Variants in ADAMTS19 observed in about 807,000 individuals in gnomAD.
ADAMTS19 encodes the protein A disintegrin and metalloproteinase with thrombospondin motifs 19.
ADAMTS19 carries 93 observed loss-of-function variants against 153.3 expected under a neutral mutation model. The ratio of observed to expected loss-of-function variants is 0.61; its 90% CI spans 0.51 to 0.72. ADAMTS19 has a LOEUF of 0.72. Among genes scored for constraint, ADAMTS19 ranks in the 30% least tolerant of loss-of-function variants. The probability of loss-of-function intolerance (pLI) is 0.00; values close to 1 mark genes in which losing one functional copy is unlikely to be tolerated. For synonymous variants in ADAMTS19, 600 were observed against 556.6 expected (o/e 1.08, Z -1.10); for missense variants, 1,482 against 1,552.1 (o/e 0.95, Z 0.76).
At chr5:129,645,362 T>C (rs913898604) in intron 11 of ADAMTS19, among the ~76,000 whole-genome samples, 1 of 152,216 alleles carries the variant, frequency 6.6e-6, no homozygotes, top group Non-Finnish European at 1.5e-5. Context: ...TTATATAACA[T>C]ATTGTATAAT....
At chr5:129,656,589 C>A (rs1753557113) in intron 14 of ADAMTS19, among the ~76,000 whole-genome samples, 2 of 152,200 alleles carry the variant, frequency 1.3e-5, no homozygotes, top group African/African-American at 4.8e-5. Context: ...CAGGTACTTG[C>A]TACCAGTCAC....
At chr5:129,708,590 C>CA (rs1174701520) in intron 21 of ADAMTS19, among the ~76,000 whole-genome samples, 16,277 of 62,094 alleles carry the variant, frequency 0.26, 2,233 homozygotes, top group East Asian at 0.39. Flanking sequence ...AGCAGAGAAG[C>CA]AAAAAAAAAA....
chr5:129,608,463 G>A (rs1230310588), intron 8 of ADAMTS19, among the ~76,000 whole-genome samples: 1 of 151,916 alleles, frequency 6.6e-6, no homozygotes, highest in Non-Finnish European at 1.5e-5. Flanking sequence ...TATGCCCCAG[G>A]AGGCATACAT....
chr5:129,672,242 T>C (rs961976830), intron 16 of ADAMTS19, among the ~76,000 whole-genome samples: 1 of 152,012 alleles, frequency 6.6e-6, no homozygotes, highest in East Asian at 1.9e-4. Flanking sequence ...CCTCATCTAA[T>C]CCTAATTACC....
chr5:129,720,174 A>ATATATATATATATAT (rs1463139553), intron 21 of ADAMTS19, among the ~76,000 whole-genome samples: 3 of 113,348 alleles, frequency 2.6e-5, no homozygotes, highest in African/African-American at 9.5e-5. Context: ...ATATATATTT[A>ATATATATATATATAT]TTTTTTTTTT....
intron 18 of ADAMTS19, among the ~76,000 whole-genome samples, chr5:129,691,434 T>A (rs2127142779): frequency 6.6e-6 from 1 of 152,294 alleles, no homozygotes; most frequent in African/African-American, 2.4e-5. Flanking sequence ...TGTCCCTATG[T>A]GCCACAGTAT....
chr5:129,487,909 G>A (rs982587103), intron 2 of ADAMTS19, among the ~76,000 whole-genome samples: 2 of 152,038 alleles, frequency 1.3e-5, no homozygotes, highest in African/African-American at 4.8e-5. Flanking sequence ...TCTTTGGGTA[G>A]CTGTTGAATT....
At chr5:129,528,431 C>A in intron 5 of ADAMTS19, 89 bp from the exon 6 acceptor site, 2 of 1,098,596 alleles carry the variant, frequency 1.8e-6, no homozygotes, top group Non-Finnish European at 2.5e-6. Context: ...TTTAGTAATT[C>A]AAGAGTGCCT....
rs528513172 is a variant in ADAMTS19, at chr5:129,687,051, A to G, written c.2818+2778A>G. 1.9e-3 allele frequency among the ~76,000 whole-genome samples: 282 copies of G among 152,256 alleles called. 1 individual carries two copies. Among genetic ancestry groups the G allele is most frequent in the Non-Finnish European group, 3.0e-3 (205 of 68,014 alleles). Reference sequence around the variant, plus strand: ...CATCCTACACTGATGCCAGGGGCTCATCTTTCTTAAGGGGCTGTACTTCAC... The same window carrying G: ...CATCCTACACTGATGCCAGGGGCTCGTCTTTCTTAAGGGGCTGTACTTCAC... On this transcript the variant is annotated intron_variant, in intron 18 of 22. Coordinates refer to ENST00000274487, the MANE Select transcript of ADAMTS19 (RefSeq NM_133638.6).
chr5:129,594,836 C>T (rs889062387), intron 7 of ADAMTS19, among the ~76,000 whole-genome samples: 1 of 151,976 alleles, frequency 6.6e-6, no homozygotes, highest in African/African-American at 2.4e-5. Context: ...TTACCTTCAT[C>T]TTTCTGTCCT....
chr5:129,544,936 C>T (rs1440904455), intron 6 of ADAMTS19, among the ~76,000 whole-genome samples: 1 of 152,104 alleles, frequency 6.6e-6, no homozygotes, highest in Non-Finnish European at 1.5e-5. Flanking sequence ...AATTGAAGCA[C>T]TTAGTGAAAG....
chr5:129,507,394 A>G (rs1462478343), intron 2 of ADAMTS19, among the ~76,000 whole-genome samples: 1 of 152,010 alleles, frequency 6.6e-6, no homozygotes, highest in Admixed American at 6.6e-5. Context: ...TAATAATTTT[A>G]TCTTTAATAT....
At chr5:129,597,592 T>G (rs1367439975) in intron 8 of ADAMTS19, among the ~76,000 whole-genome samples, 1 of 152,104 alleles carries the variant, frequency 6.6e-6, no homozygotes, top group Non-Finnish European at 1.5e-5. Flanking sequence ...GCTGTGATCA[T>G]ATTTTTAGGA....
At chr5:129,582,609 G>C (rs1197229646) in intron 7 of ADAMTS19, among the ~76,000 whole-genome samples, 1 of 151,932 alleles carries the variant, frequency 6.6e-6, no homozygotes, top group African/African-American at 2.4e-5. Flanking sequence ...GTCTCACTCT[G>C]TTGCCCAGGC....
At chr5:129,597,176 C>A (rs1750419603) in intron 8 of ADAMTS19, among the ~76,000 whole-genome samples, 1 of 152,074 alleles carries the variant, frequency 6.6e-6, no homozygotes, top group Non-Finnish European at 1.5e-5. Flanking sequence ...TAAACATTTT[C>A]AATAGATTAG....
intron 7 of ADAMTS19, among the ~76,000 whole-genome samples, chr5:129,578,935 A>G (rs1207590812): frequency 6.6e-6 from 1 of 152,200 alleles, no homozygotes; most frequent in Non-Finnish European, 1.5e-5. Flanking sequence ...AGAATGATTT[A>G]TAATCCTTTG....
chr5:129,460,837 T>C, intron 1 of ADAMTS19: 1 of 496,682 alleles, frequency 2.0e-6, no homozygotes, highest in Non-Finnish European at 3.3e-6. Context: ...TTGCATCGGT[T>C]TTCTTTTCAA....
Position 129,467,604 on chromosome 5 carries a change from G to A in ADAMTS19, c.747+5847G>A, listed in dbSNP as rs572879543. 2.0e-5 allele frequency among the ~76,000 whole-genome samples: 3 copies of A among 152,318 alleles called. No homozygotes were observed. In the East Asian group the frequency reaches 5.8e-4, roughly 29 times the overall value. On this transcript the variant is annotated intron_variant, in intron 2 of 22. Coordinates refer to ENST00000274487, the MANE Select transcript of ADAMTS19 (RefSeq NM_133638.6). ...TGGGATGTGTGTCAGATTGACTTTA[G>A]AGGATTGAATCAGTAATACTGGGTG...
chr5:129,725,326 C>T lies in ADAMTS19; in HGVS notation c.3313-9606C>T, dbSNP rs1757162213. Among the ~76,000 whole-genome samples the T allele has an allele frequency of 2.0e-5, 3 of 152,120 alleles. No homozygotes were observed. The South Asian group carries it at 6.2e-4, about 32-fold the overall frequency. On this transcript the variant is annotated intron_variant, in intron 21 of 22. Coordinates refer to ENST00000274487, the MANE Select transcript of ADAMTS19 (RefSeq NM_133638.6). ...TCTGGGGTCTTCCATTCCTTCTCCC[C>T]AGTTCTTCTTTTGGGGTGAGCTGTC...
Sources: allele counts gnomAD v4.1 joint callset (sites outside exome capture counted in the v4.1 genomes callset), GRCh38; gene constraint gnomAD v4.1.1; transcripts MANE v1.5; gene names NCBI Gene and HGNC (gene_info 2026-07-23, HGNC 2026-07-21).